Variants in ZNF418 observed in about 807,000 individuals in gnomAD.
ZNF418 encodes the protein zinc finger protein 418.
In ZNF418, 32 loss-of-function variants were observed where a neutral mutation model predicts 32.0. That is an observed-to-expected ratio of 1.00 (90% CI 0.75 to 1.34). ZNF418 has a LOEUF of 1.34. ZNF418 is among the 40% of genes most tolerant of loss of function. The pLI, the probability that ZNF418 is intolerant of heterozygous loss-of-function variation, is 0.00. For missense variants in ZNF418, 804 were observed against 812.5 expected, an observed-to-expected ratio of 0.99 and a Z score of 0.13; for synonymous variants, 276 against 270.7, an observed-to-expected ratio of 1.02 and a Z score of -0.19.
rs1209557237 is a variant in ZNF418 at position 57,927,841 on chromosome 19, C to A, written c.340G>T (p.Ala114Ser). 6.2e-7 allele frequency: 1 copy of A among 1,614,068 alleles called. No homozygotes were observed. The highest frequency in any genetic ancestry group is 1.1e-5 in the South Asian group (1 of 91,076). The change falls in exon 4 of 6, where the codon GCA (alanine) becomes TCA (serine). Residue 114 changes from alanine (A) to serine (S), a missense_variant. By Grantham distance (99) the Ala-to-Ser change is moderately conservative. This residue lies in a region of ZNF418 where 307 missense variants were observed against 304.9 expected (regional missense o/e 1.01). Transcript: ENST00000396147. ...CTATCATACAATTTATTCCCCCATG[C>A]CTCACACCTGTGCAGTTTCTGCTTG... ...HHKQKLHRCE[A>S]WGNKLYDSSN...
intron 2 of ZNF418, 97 bp downstream of exon 2, chr19:57,933,720 C>G: frequency 8.0e-7 from 1 of 1,242,722 alleles, no homozygotes; most frequent in Non-Finnish European, 1.1e-6. Context: ...GACTCCCGCT[C>G]AAAAAAAAAA....
chr19:57,933,614 G>A (rs1007474010), intron 2 of ZNF418, among the ~76,000 whole-genome samples: 1 of 152,264 alleles, frequency 6.6e-6, no homozygotes, highest in Middle Eastern at 3.4e-3. Flanking sequence ...CCAGCTACTC[G>A]GGAGGTTGAG....
chr19:57,926,844 C>G lies in ZNF418; in HGVS notation c.1337G>C (p.Arg446Pro). ...SRKGNLIQHQ[R>P]SHTGERPYEC... ...ATAAGGCCTTTCTCCAGTGTGGCTT[C>G]GCTGATGCTGAATGAGGTTGCCCTT... Residue 446 changes from arginine (R) to proline (P), a missense_variant, in exon 4 of 6, where the codon CGA becomes CCA. Transcript: ENST00000396147. 1 of 1,614,222 alleles carries G rather than the reference C, an allele frequency of 6.2e-7. No homozygotes were observed. The highest frequency in any genetic ancestry group is 8.5e-7 in the Non-Finnish European group (1 of 1,180,044).
chr19:57,924,208 A>G (rs2072122054), intron 4 of ZNF418, among the ~76,000 whole-genome samples: 1 of 152,162 alleles, frequency 6.6e-6, no homozygotes, highest in Admixed American at 6.5e-5. Context: ...CAACTATACA[A>G]AATCTCCTCA....
At chr19:57,934,283 T>C in intron 1 of ZNF418, 2 of 951,640 alleles carry the variant, frequency 2.1e-6, no homozygotes, top group Non-Finnish European at 2.5e-6. Flanking sequence ...CGGAGTGCAA[T>C]GGCTCACCGC....
In ZNF418 at chr19:57,927,819, TCATA is replaced by T; in HGVS notation, c.358_361del (p.Tyr120IlefsTer27). On this transcript the variant is annotated frameshift_variant, in exon 4 of 6. Transcript: ENST00000396147. LOFTEE classifies it high-confidence loss of function. ...ATTCTGGTGCGGACGGTTTGAACTATCATACAATTTATTCCCCCATGCCTCACAC... is the reference window on the plus strand; with the variant it reads ...ATTCTGGTGCGGACGGTTTGAACTATCAATTTATTCCCCCATGCCTCACAC... 1 of 1,614,140 alleles carries T rather than the reference TCATA, an allele frequency of 6.2e-7. No individual in the cohort carries two copies. The highest frequency in any genetic ancestry group is 8.5e-7 in the Non-Finnish European group (1 of 1,180,006).
chr19:57,933,445 G>A (rs894393324), intron 2 of ZNF418, among the ~76,000 whole-genome samples: 13 of 152,160 alleles, frequency 8.5e-5, no homozygotes, highest in African/African-American at 3.1e-4. Flanking sequence ...GGGCATGGCC[G>A]GGCTTGGTGG....
In ZNF418 at chr19:57,933,869, A is replaced by G. The variant is rs1256573890; in HGVS notation, c.-47T>C. On this transcript the variant is annotated 5_prime_UTR_variant, in exon 2 of 6. Coordinates refer to ENST00000396147, the MANE Select transcript of ZNF418 (RefSeq NM_133460.3). ...GATCCTCCTTCCTCCTCCCTCAAACACAGTGTGTTCTCTTCTTTGCAGCCA... is the reference window on the plus strand; with the variant it reads ...GATCCTCCTTCCTCCTCCCTCAAACGCAGTGTGTTCTCTTCTTTGCAGCCA... 17 of 1,613,828 alleles carry G rather than the reference A, an allele frequency of 1.1e-5. No individual in the cohort carries two copies. The highest frequency in any genetic ancestry group is 1.4e-5 in the Non-Finnish European group (16 of 1,180,014).
At position 57,926,107 on chromosome 19, in the gene ZNF418, A is replaced by G. The variant is rs2072204535; in HGVS notation, c.*43T>C. The G allele has an allele frequency of 6.6e-7, 1 of 1,505,620 alleles. No individual in the cohort carries two copies. The allele number at this position is 1,505,620 out of a possible 1,614,324, so 93.3% of individuals were successfully genotyped here. A position where few individuals can be genotyped will look rare whatever the true frequency, so the allele number is the denominator to read the frequency against. On this transcript the variant is annotated 3_prime_UTR_variant, in exon 4 of 6. Transcript: ENST00000396147. ...ATCCAGTAAGAACCCTCTGATCAAG[A>G]AGATGCACAGAGGTTTAGCTAAAGA...
intron 1 of ZNF418, chr19:57,934,930 A>C: frequency 9.0e-7 from 1 of 1,107,842 alleles, no homozygotes; most frequent in Non-Finnish European, 1.2e-6. Flanking sequence ...TGTGGACCCC[A>C]GGTTCCATCC....
At chr19:57,925,155 G>A (rs1043061582) in intron 4 of ZNF418, among the ~76,000 whole-genome samples, 4 of 152,154 alleles carry the variant, frequency 2.6e-5, no homozygotes, top group African/African-American at 9.7e-5. Context: ...TGGAACTTAA[G>A]AGCCTAAAGA....
At position 57,926,066 on chromosome 19, in the gene ZNF418, C is replaced by T; in HGVS notation, c.*84G>A. On this transcript the variant is annotated 3_prime_UTR_variant, in exon 4 of 6. Transcript: ENST00000396147. The stretch of plus-strand genomic sequence containing the variant: ...CATAAAGAATATCCCACGTTTGTCA[C>T]ACTCATAAGGTCCTGATCCAGTAAG... 8.4e-7 allele frequency: 1 copy of T among 1,185,458 alleles called. No homozygotes were observed. 73.4% of individuals were successfully genotyped at this position (1,185,458 alleles called of 1,614,324 possible). A position where few individuals can be genotyped will look rare whatever the true frequency, so the allele number is the denominator to read the frequency against.
intron 3 of ZNF418, 141 bp from the exon 4 acceptor site, chr19:57,928,188 A>G (rs1323464513): frequency 5.7e-6 from 4 of 703,866 alleles, no homozygotes; most frequent in Non-Finnish European, 9.4e-6. Context: ...GTGGAAGATG[A>G]GGCTATCATT....
At chr19:57,929,308 C>T (rs1235498476) in intron 3 of ZNF418, among the ~76,000 whole-genome samples, 1 of 152,224 alleles carries the variant, frequency 6.6e-6, no homozygotes, top group African/African-American at 2.4e-5. Flanking sequence ...CTCATGCCCT[C>T]CCACCAGGTG....
At chr19:57,923,459 TATATACATATATACATAC>T (rs1349996957) in intron 4 of ZNF418, among the ~76,000 whole-genome samples, 170 bp from the exon 5 acceptor site, 1 of 151,110 alleles carries the variant, frequency 6.6e-6, no homozygotes, top group African/African-American at 2.4e-5. Context: ...TACACACATA[TATATACATATATACATAC>T]ATATACATAC....
In ZNF418 at chr19:57,926,164, T is replaced by C. The variant is rs760243376; in HGVS notation, c.2017A>G (p.Ser673Gly). Reference sequence around the variant, plus strand: ...CAAATTTCTTTTCACTTGTAAGGACTTCTTTCTGTGTGAACTCTCTGATGT... The same window carrying C: ...CAAATTTCTTTTCACTTGTAAGGACCTCTTTCTGTGTGAACTCTCTGATGT... ...LRHQRVHTER[S>G]PYK The change falls in exon 4 of 6, where the codon AGT becomes GGT. Residue 673 changes from serine to glycine, a missense_variant. By Grantham distance (56) the Ser-to-Gly change is moderately conservative. Coordinates refer to ENST00000396147, the MANE Select transcript of ZNF418 (RefSeq NM_133460.3). 2 of 1,610,286 alleles carry C rather than the reference T, an allele frequency of 1.2e-6. No homozygotes were observed. The highest frequency in any genetic ancestry group is 3.4e-5 in the Admixed American group (2 of 59,508).
At chr19:57,929,237 G>A (rs1442049357) in intron 3 of ZNF418, among the ~76,000 whole-genome samples, 1 of 152,148 alleles carries the variant, frequency 6.6e-6, no homozygotes, top group Non-Finnish European at 1.5e-5. Flanking sequence ...AGTGCCTACT[G>A]GCCACAAAAA....
intron 2 of ZNF418, among the ~76,000 whole-genome samples, chr19:57,933,318 G>A (rs1369609607): frequency 1.3e-5 from 2 of 152,170 alleles, no homozygotes; most frequent in Non-Finnish European, 2.9e-5. Flanking sequence ...GGTGGCTCAC[G>A]CCTGTAATCC....
In ZNF418 at chr19:57,926,807, C is replaced by T. The variant is rs763564870; in HGVS notation, c.1374G>A (p.Glu458=). 8.7e-6 allele frequency: 14 copies of T among 1,613,336 alleles called. No homozygotes were observed. The East Asian group carries it at 2.5e-4, about 28-fold the overall frequency. ...HTGERPYECR[E]CRKLFRGKSH... is the part of the protein sequence containing the mutation. ...ACTTGCCCCTAAATAATTTCCTACA[C>T]TCTCTACACTCATAAGGCCTTTCTC... The change falls in exon 4 of 6, where the codon GAG becomes GAA. Residue 458 remains glutamate (E), a synonymous_variant. Transcript: ENST00000396147.
Sources: gnomAD v4.1 joint callset for allele counts (sites outside exome capture counted in the v4.1 genomes callset) on GRCh38, gnomAD v4.1.1 for gene constraint, gnomAD v4.1.1 regional missense constraint, MANE v1.5 for transcripts, NCBI Gene and HGNC (gene_info 2026-07-23, HGNC 2026-07-21) for gene names.